Variants in ALPL observed in about 807,000 individuals in gnomAD.
ALPL encodes the protein alkaline phosphatase, tissue-nonspecific isozyme.
A neutral mutation model predicts 51.3 loss-of-function variants in ALPL; 42 were observed. The ratio of observed to expected loss-of-function variants is 0.82; its 90% CI spans 0.64 to 1.06. The LOEUF (loss-of-function observed/expected upper bound fraction) is 1.06, where lower values mean the gene tolerates loss of function less well. Among genes scored for constraint, ALPL ranks in the 50% least tolerant of loss-of-function variants. The pLI is 0.00. For synonymous variants in ALPL, 279 were observed against 296.4 expected (o/e 0.94, Z 0.60); for missense variants, 589 against 709.4 (o/e 0.83, Z 1.93).
intron 8 of ALPL, among the ~76,000 whole-genome samples, chr1:21,571,586 G>A (rs1644648635): frequency 6.6e-6 from 1 of 151,490 alleles, no homozygotes; most frequent in Admixed American, 6.6e-5. Flanking sequence ...GCAGGAGAAT[G>A]GTATGAACCC....
At chr1:21,512,868 A>T (rs1643718582) in intron 1 of ALPL, among the ~76,000 whole-genome samples, 1 of 152,176 alleles carries the variant, frequency 6.6e-6, no homozygotes, top group Admixed American at 6.6e-5. Context: ...AAGGGGTAAA[A>T]TTTGAGATGA....
rs960331927 is a variant in ALPL at position 21,551,683 on chromosome 1, A to G, written c.-104-2295A>G. Among the ~76,000 whole-genome samples the G allele has an allele frequency of 3.6e-5, 5 of 139,706 alleles. No homozygotes were observed. In the Admixed American group the frequency reaches 3.7e-4, roughly 10 times the overall value. The allele number at this position is 139,706 out of a possible 152,430, so 91.7% of individuals were successfully genotyped here. A position where few individuals can be genotyped will look rare whatever the true frequency, so the allele number is the denominator to read the frequency against. Reference sequence around the variant, plus strand: ...CCGCTACCCCCAGCCCCTACCCCAGAGCCGTCACTTCTGGCACTGGAGCGC... The same window carrying G: ...CCGCTACCCCCAGCCCCTACCCCAGGGCCGTCACTTCTGGCACTGGAGCGC... On this transcript the variant is annotated intron_variant, in intron 1 of 11. Coordinates refer to ENST00000374840, the MANE Select transcript of ALPL (RefSeq NM_000478.6).
At chr1:21,545,402 T>C (rs557354414) in intron 1 of ALPL, among the ~76,000 whole-genome samples, 1 of 152,286 alleles carries the variant, frequency 6.6e-6, no homozygotes, top group South Asian at 2.1e-4. Flanking sequence ...GCGATTCTCC[T>C]GCCTCAGCCA....
chr1:21,560,533 C>A, intron 2 of ALPL, 93 bp from the exon 3 acceptor site: 1 of 1,528,096 alleles, frequency 6.5e-7, no homozygotes, highest in South Asian at 1.2e-5. Context: ...TTCAGGCATT[C>A]CAGCCTGAGC....
intron 4 of ALPL, among the ~76,000 whole-genome samples, chr1:21,561,416 G>T (rs1350181884): frequency 6.6e-6 from 1 of 152,150 alleles, no homozygotes; most frequent in Non-Finnish European, 1.5e-5. Flanking sequence ...TAGAGAGAGG[G>T]TCTTGCTCTG....
chr1:21,558,819 C>A (rs933391450), intron 2 of ALPL, among the ~76,000 whole-genome samples: 1 of 152,150 alleles, frequency 6.6e-6, no homozygotes. Flanking sequence ...AGCACCCTGG[C>A]GGCTCCTCGC....
At chr1:21,512,996 C>T (rs1643721658) in intron 1 of ALPL, among the ~76,000 whole-genome samples, 1 of 152,080 alleles carries the variant, frequency 6.6e-6, no homozygotes, top group Admixed American at 6.6e-5. Context: ...ATTCCAGTAA[C>T]CAGGAGTCAG....
At chr1:21,549,334 TA>T (rs2148125316) in intron 1 of ALPL, among the ~76,000 whole-genome samples, 1 of 152,294 alleles carries the variant, frequency 6.6e-6, no homozygotes, top group South Asian at 2.1e-4. Flanking sequence ...CAGAGCCAAA[TA>T]TTCAGCTGCC....
At chr1:21,543,627 T>C (rs1453169353) in intron 1 of ALPL, among the ~76,000 whole-genome samples, 2 of 152,096 alleles carry the variant, frequency 1.3e-5, no homozygotes, top group African/African-American at 4.8e-5. Context: ...CCCCAGGAAG[T>C]TCCTTCATGC....
In ALPL at chr1:21,554,879, T is replaced by C. The variant is rs4654965; in HGVS notation, c.61+737T>C. Among the ~76,000 whole-genome samples, 375 of 137,010 alleles carry C rather than the reference T, an allele frequency of 2.7e-3. 3 individuals are homozygous for C. Among genetic ancestry groups the C allele is most frequent in the Middle Eastern group, 0.014 (4 of 276 alleles). The allele number at this position is 137,010 out of a possible 152,430, so 89.9% of individuals were successfully genotyped here. A position where few individuals can be genotyped will look rare whatever the true frequency, so the allele number is the denominator to read the frequency against. ...TTTCTTTCTTTCTTTCTTTCTCTCT[T>C]TCTTTCTTTTTCTTTCTTTCTTTCT... On this transcript the variant is annotated intron_variant, in intron 2 of 11. Coordinates refer to ENST00000374840, the MANE Select transcript of ALPL (RefSeq NM_000478.6).
chr1:21,560,587 T>C, intron 2 of ALPL, 39 bp from the exon 3 acceptor site: 1 of 1,612,898 alleles, frequency 6.2e-7, no homozygotes. Flanking sequence ...TAGGAGGCTA[T>C]CCTTACCCCG....
At chr1:21,553,816 G>A (rs951569735) in intron 1 of ALPL, among the ~76,000 whole-genome samples, 162 bp from the exon 2 acceptor site, 3 of 152,188 alleles carry the variant, frequency 2.0e-5, no homozygotes, top group African/African-American at 7.2e-5. Context: ...CCTGAGACAG[G>A]GACCAGCTGG....
chr1:21,573,756 G>C lies in ALPL; in HGVS notation c.954G>C (p.Gln318His). 6.2e-7 allele frequency: 1 copy of C among 1,614,184 alleles called. No homozygotes were observed. Among genetic ancestry groups the C allele is most frequent in the Non-Finnish European group, 8.5e-7 (1 of 1,180,036 alleles). ...CCGAGATGGTGGTGGTGGCCATCCA[G>C]ATCCTGCGGAAGAACCCCAAAGGCT... is the stretch of plus-strand genomic sequence containing the variant. ...SLSEMVVVAI[Q>H]ILRKNPKGFF... The change falls in exon 9 of 12, where the codon CAG becomes CAC. Residue 318 changes from glutamine (Q) to histidine (H), a missense_variant. Gln to His is a conservative substitution (Grantham distance 24). Coordinates refer to ENST00000374840, the MANE Select transcript of ALPL (RefSeq NM_000478.6).
chr1:21,553,527 G>A (rs956091086), intron 1 of ALPL, among the ~76,000 whole-genome samples: 4 of 152,194 alleles, frequency 2.6e-5, no homozygotes, highest in Non-Finnish European at 5.9e-5. Flanking sequence ...CTCAAGGTGT[G>A]GTCCGCAAAG....
At chr1:21,555,262 T>G (rs1305308328) in intron 2 of ALPL, among the ~76,000 whole-genome samples, 1 of 152,200 alleles carries the variant, frequency 6.6e-6, no homozygotes. Context: ...CCGGCCATTT[T>G]CACTTCTTTT....
intron 1 of ALPL, among the ~76,000 whole-genome samples, chr1:21,511,986 G>C (rs1416795330): frequency 6.6e-6 from 1 of 152,138 alleles, no homozygotes; most frequent in African/African-American, 2.4e-5. Context: ...TTAATCCAGG[G>C]AGTAGGATCC....
chr1:21,534,409 G>T (rs1254333391), intron 1 of ALPL, among the ~76,000 whole-genome samples: 3 of 152,206 alleles, frequency 2.0e-5, no homozygotes, highest in Non-Finnish European at 2.9e-5. Context: ...GACAATTTGG[G>T]GCTCATAAGA....
At chr1:21,541,392 G>A (rs1200271739) in intron 1 of ALPL, among the ~76,000 whole-genome samples, 5 of 152,240 alleles carry the variant, frequency 3.3e-5, no homozygotes, top group Non-Finnish European at 7.3e-5. Flanking sequence ...GTGAGGGGCA[G>A]AGGCAGGATC....
chr1:21,520,466 C>CTTT lies in ALPL; in HGVS notation c.-105+10966_-105+10968dup, dbSNP rs35922763. 1.8e-3 allele frequency among the ~76,000 whole-genome samples: 197 copies of CTTT among 111,458 alleles called. 2 individuals are homozygous for CTTT. Among genetic ancestry groups the CTTT allele is most frequent in the African/African-American group, 2.7e-3 (75 of 28,040 alleles). 73.1% of individuals were successfully genotyped at this position (111,458 alleles called of 152,430 possible). ...GTTTTTAAAGCCATTTCTTTTTTCT[C>CTTT]TTTTTTTTTTTTTTTTTTTGAGACG... On this transcript the variant is annotated intron_variant, in intron 1 of 11. Coordinates refer to ENST00000374840, the MANE Select transcript of ALPL (RefSeq NM_000478.6).
Sources: gnomAD v4.1 joint callset for allele counts (sites outside exome capture counted in the v4.1 genomes callset) on GRCh38, gnomAD v4.1.1 for gene constraint, MANE v1.5 for transcripts, NCBI Gene and HGNC (gene_info 2026-07-23, HGNC 2026-07-21) for gene names.